PRKCQ: variants seen among roughly 807,000 people sequenced by gnomAD.
PRKCQ encodes protein kinase C theta.
Under a neutral mutation model 91.2 loss-of-function variants are expected in PRKCQ, and 41 were observed. The ratio of observed to expected loss-of-function variants is 0.45; its 90% CI spans 0.35 to 0.58. PRKCQ has a LOEUF of 0.58. Ranked by LOEUF, PRKCQ falls within the 20% of genes least tolerant of loss-of-function variation. The probability of loss-of-function intolerance (pLI) is 0.00; values close to 1 mark genes in which losing one functional copy is unlikely to be tolerated. For synonymous variants in PRKCQ, 307 were observed against 316.9 expected (o/e 0.97, Z 0.33); for missense variants, 673 against 896.5 (o/e 0.75, Z 3.18).
At chr10:6,447,448 C>T (rs1834375887) in intron 15 of PRKCQ, among the ~76,000 whole-genome samples, 2 of 151,626 alleles carry the variant, frequency 1.3e-5, no homozygotes, top group Admixed American at 1.3e-4. Flanking sequence ...TGTTTAACTG[C>T]CTTCCTATTC....
At chr10:6,528,389 AGGCTGGGGTGGG>A (rs1839272411) in intron 1 of PRKCQ, among the ~76,000 whole-genome samples, 1 of 151,992 alleles carries the variant, frequency 6.6e-6, no homozygotes, top group Non-Finnish European at 1.5e-5. Context: ...GCCATGTCAT[AGGCTGGGGTGGG>A]GTGGGGGCGC....
At chr10:6,408,420 T>C in the PRKCQ span, among the ~76,000 whole-genome samples, 2 of 152,230 alleles carry the variant, frequency 1.3e-5, no homozygotes, top group African/African-American at 4.8e-5. Flanking sequence ...ACTGGCTAGA[T>C]CTCAGCTCAC....
chr10:6,441,940 A>G lies in PRKCQ; in HGVS notation c.1789T>C (p.Phe597Leu). ...TCCTTCTCCAGCCACCGTGGGTAAA[A>G]GGGATTGTCCATGCGGATGGAGTGG... ...LFHSIRMDNP[F>L]YPRWLEKEAK... Residue 597 changes from phenylalanine to leucine, a missense_variant, in exon 16 of 18, where the codon TTT becomes CTT. Transcript: ENST00000263125. 1 of 1,613,218 alleles carries G rather than the reference A, an allele frequency of 6.2e-7. No individual in the cohort carries two copies. The highest frequency in any genetic ancestry group is 8.5e-7 in the Non-Finnish European group (1 of 1,179,372).
intron 14 of PRKCQ, among the ~76,000 whole-genome samples, chr10:6,457,351 A>G (rs1835064968): frequency 6.6e-6 from 1 of 152,184 alleles, no homozygotes; most frequent in Non-Finnish European, 1.5e-5. Context: ...TGTAACTGAT[A>G]ATATTTTTTA....
intron 8 of PRKCQ, among the ~76,000 whole-genome samples, chr10:6,489,187 C>T (rs587198): frequency 0.54 from 81,914 of 151,882 alleles, 22,324 homozygotes; most frequent in Non-Finnish European, 0.55. Flanking sequence ...TAGAAGGTGT[C>T]AGGTTTCAAC....
At chr10:6,556,363 T>TA (rs1299645078) in intron 1 of PRKCQ, among the ~76,000 whole-genome samples, 2 of 147,298 alleles carry the variant, frequency 1.4e-5, no homozygotes, top group Non-Finnish European at 3.0e-5. Context: ...GCCCAGGAGT[T>TA]AGAGGCTACA....
chr10:6,471,104 G>A (rs1411375794), intron 12 of PRKCQ, among the ~76,000 whole-genome samples: 4 of 152,122 alleles, frequency 2.6e-5, no homozygotes, highest in Non-Finnish European at 5.9e-5. Context: ...CCTGGCACCT[G>A]AGTTAGCCAG....
At chr10:6,417,310 CT>C in the PRKCQ span, among the ~76,000 whole-genome samples, 1 of 152,162 alleles carries the variant, frequency 6.6e-6, no homozygotes, top group Non-Finnish European at 1.5e-5. Context: ...AGATTTTCCA[CT>C]TGTTTTTCAG....
intron 15 of PRKCQ, among the ~76,000 whole-genome samples, chr10:6,452,083 T>C (rs376083176): frequency 3.9e-5 from 6 of 151,934 alleles, no homozygotes; most frequent in East Asian, 1.9e-4. Flanking sequence ...CCAGGGCAAT[T>C]AGGCAGGAGA....
intron 3 of PRKCQ, among the ~76,000 whole-genome samples, chr10:6,510,151 T>C (rs1219491778): frequency 6.6e-6 from 1 of 152,228 alleles, no homozygotes; most frequent in Admixed American, 6.5e-5. Context: ...TTTGAAAACA[T>C]TTTCTGGATT....
chr10:6,505,082 A>T (rs1209220641), intron 4 of PRKCQ, among the ~76,000 whole-genome samples: 2 of 151,934 alleles, frequency 1.3e-5, no homozygotes, highest in African/African-American at 2.4e-5. Flanking sequence ...TTTAGTAGAG[A>T]CGGGGTTCCA....
intron 17 of PRKCQ, among the ~76,000 whole-genome samples, chr10:6,429,324 A>C (rs1564286401): frequency 6.6e-6 from 1 of 152,236 alleles, no homozygotes; most frequent in East Asian, 1.9e-4. Context: ...AAACAAGGTA[A>C]AATTTTTATT....
At chr10:6,485,755 C>T (rs1836872765) in intron 9 of PRKCQ, among the ~76,000 whole-genome samples, 1 of 152,152 alleles carries the variant, frequency 6.6e-6, no homozygotes, top group Non-Finnish European at 1.5e-5. Flanking sequence ...ATAAAGCTGT[C>T]AATGAATCTT....
intron 1 of PRKCQ, among the ~76,000 whole-genome samples, chr10:6,550,991 C>A (rs1258105896): frequency 6.6e-6 from 1 of 152,094 alleles, no homozygotes; most frequent in African/African-American, 2.4e-5. Context: ...TGTTGAGCAT[C>A]TTCTCTTTTT....
intron 17 of PRKCQ, among the ~76,000 whole-genome samples, chr10:6,429,485 T>C (rs564267032): frequency 6.6e-6 from 1 of 152,144 alleles, no homozygotes. Context: ...GAGATGCACC[T>C]GCTTCTTCTG....
the PRKCQ span, among the ~76,000 whole-genome samples, chr10:6,395,885 T>C: frequency 6.6e-6 from 1 of 152,128 alleles, no homozygotes; most frequent in South Asian, 2.1e-4. Flanking sequence ...GCCAACCTTT[T>C]CCTTCTCTGC....
intron 1 of PRKCQ, among the ~76,000 whole-genome samples, chr10:6,534,791 T>C (rs111801528): frequency 4.2e-5 from 5 of 117,858 alleles, no homozygotes; most frequent in African/African-American, 1.4e-4. Context: ...TATATATATA[T>C]AGATATATAT....
intron 12 of PRKCQ, among the ~76,000 whole-genome samples, chr10:6,478,178 G>C (rs778773932): frequency 3.3e-5 from 5 of 152,206 alleles, no homozygotes; most frequent in Non-Finnish European, 5.9e-5. Flanking sequence ...GTTCAAAATA[G>C]AGTGTAACAA....
At chr10:6,426,884 C>T (rs923645884), downstream of PRKCQ, among the ~76,000 whole-genome samples, 2 of 152,156 alleles carry the variant, frequency 1.3e-5, no homozygotes, top group African/African-American at 2.4e-5. Flanking sequence ...TATAGGCCCC[C>T]GCCACCACGC....
Sources: allele counts gnomAD v4.1 joint callset (sites outside exome capture counted in the v4.1 genomes callset), GRCh38; gene constraint gnomAD v4.1.1; transcripts MANE v1.5; gene names NCBI Gene and HGNC (gene_info 2026-07-23, HGNC 2026-07-21).